Variants in FBXO40 observed in about 807,000 individuals in gnomAD.
FBXO40 encodes the protein F-box protein 40, also known as F-box only protein 40.
In FBXO40, 50 loss-of-function variants were observed where a neutral mutation model predicts 49.9. The observed-to-expected ratio is 1.00, with a 90% CI of 0.80 to 1.27. The LOEUF is 1.27. Among genes scored for constraint, FBXO40 ranks in the 50% most tolerant of loss-of-function variants. The pLI, the probability that FBXO40 is intolerant of heterozygous loss-of-function variation, is 0.00. For missense variants in FBXO40, 895 were observed against 870.1 expected (o/e 1.03, Z -0.36); for synonymous variants, 340 against 320.2 (o/e 1.06, Z -0.66).
chr3:121,617,311 T>C (rs1340763637), intron 1 of FBXO40, among the ~76,000 whole-genome samples: 1 of 152,076 alleles, frequency 6.6e-6, no homozygotes, highest in Non-Finnish European at 1.5e-5. Context: ...TTAAAAAATT[T>C]TGGGCCGGGC....
In FBXO40 at chr3:121,622,781, C is replaced by T. The variant is rs2108851564; in HGVS notation, c.1352C>T (p.Thr451Ile). 1 of 1,614,164 alleles carries T rather than the reference C, an allele frequency of 6.2e-7. No individual in the cohort carries two copies. The highest frequency in any genetic ancestry group is 8.5e-7 in the Non-Finnish European group (1 of 1,180,026). The change falls in exon 3 of 4, where the codon ACC becomes ATC. Residue 451 changes from threonine to isoleucine, a missense_variant. Thr to Ile is a moderately conservative substitution (Grantham distance 89, BLOSUM62 -1). Coordinates refer to ENST00000338040, the MANE Select transcript of FBXO40 (RefSeq NM_016298.4). ...GTVLADLTAA[T>I]PGGLHVELHS... ...GTGCTGGCTGACCTAACCGCTGCCACCCCAGGGGGACTCCACGTGGAGCTC... is the reference window on the plus strand; with the variant it reads ...GTGCTGGCTGACCTAACCGCTGCCATCCCAGGGGGACTCCACGTGGAGCTC...
chr3:121,627,276 G>T lies in FBXO40; in HGVS notation c.*366G>T. On this transcript the variant is annotated 3_prime_UTR_variant, in exon 4 of 4. Coordinates refer to ENST00000338040, the MANE Select transcript of FBXO40 (RefSeq NM_016298.4). ...AATTCCATAACCAGTACAGGCCTGT[G>T]CTTTTACATGGGCTTTTTAGTTCAC... The T allele has an allele frequency of 4.9e-6, 1 of 205,484 alleles. No homozygotes were observed. The highest frequency in any genetic ancestry group is 9.9e-6 in the Non-Finnish European group (1 of 101,426). 12.7% of individuals were successfully genotyped at this position (205,484 alleles called of 1,614,324 possible). A position where few individuals can be genotyped will look rare whatever the true frequency, so the allele number is the denominator to read the frequency against.
At chr3:121,624,727 C>T (rs1028548669) in intron 3 of FBXO40, among the ~76,000 whole-genome samples, 1 of 152,296 alleles carries the variant, frequency 6.6e-6, no homozygotes, top group East Asian at 1.9e-4. Context: ...AGGCGGCTCT[C>T]TACACAAAAT....
intron 1 of FBXO40, among the ~76,000 whole-genome samples, chr3:121,609,623 C>T (rs2048953753): frequency 6.6e-6 from 1 of 152,062 alleles, no homozygotes; most frequent in Non-Finnish European, 1.5e-5. Flanking sequence ...TTTTTTCTCT[C>T]CTCAGGGGAG....
At chr3:121,610,349 A>C (rs1405649220) in intron 1 of FBXO40, among the ~76,000 whole-genome samples, 1 of 152,172 alleles carries the variant, frequency 6.6e-6, no homozygotes, top group Non-Finnish European at 1.5e-5. Context: ...GATTTATGGA[A>C]GTCCAGGGGC....
chr3:121,613,570 A>G (rs1179904755), intron 1 of FBXO40, among the ~76,000 whole-genome samples: 1 of 152,206 alleles, frequency 6.6e-6, no homozygotes, highest in Admixed American at 6.5e-5. Flanking sequence ...AACTGTTAAG[A>G]AAAAGTCTCC....
At chr3:121,618,616 G>T (rs2049012173) in intron 1 of FBXO40, among the ~76,000 whole-genome samples, 1 of 150,000 alleles carries the variant, frequency 6.7e-6, no homozygotes. Context: ...GGCTGGCCTT[G>T]AACTCCTGAT....
intron 1 of FBXO40, among the ~76,000 whole-genome samples, chr3:121,599,703 C>CATATATAT (rs1353289601): frequency 1.5e-4 from 7 of 45,672 alleles, no homozygotes; most frequent in Non-Finnish European, 3.2e-4. Context: ...CACACACACA[C>CATATATAT]ACATATATAT....
At chr3:121,621,409 T>TC in intron 2 of FBXO40, 24 bp from the exon 3 acceptor site, 3 of 1,582,254 alleles carry the variant, frequency 1.9e-6, no homozygotes, top group Non-Finnish European at 2.6e-6. Flanking sequence ...TTTGTTTTCT[T>TC]CCCCCTGTCC....
At chr3:121,623,490 C>G in intron 3 of FBXO40, 147 bp downstream of exon 3, 3 of 661,862 alleles carry the variant, frequency 4.5e-6, no homozygotes, top group Non-Finnish European at 5.1e-6. Flanking sequence ...CCTCTTGCCT[C>G]AGTCTTCCAA....
chr3:121,597,267 A>C (rs1013239873), intron 1 of FBXO40, among the ~76,000 whole-genome samples: 1 of 152,154 alleles, frequency 6.6e-6, no homozygotes, highest in Non-Finnish European at 1.5e-5. Flanking sequence ...GATGCCTTCA[A>C]GTTGTCTTTA....
At chr3:121,616,171 T>C (rs1576454070) in intron 1 of FBXO40, among the ~76,000 whole-genome samples, 1 of 152,206 alleles carries the variant, frequency 6.6e-6, no homozygotes, top group South Asian at 2.1e-4. Context: ...TTGATGCTTC[T>C]GCTTGCGATT....
intron 3 of FBXO40, among the ~76,000 whole-genome samples, chr3:121,625,496 T>G (rs1159278257): frequency 2.0e-5 from 3 of 152,254 alleles, no homozygotes; most frequent in Non-Finnish European, 1.5e-5. Flanking sequence ...CTTGTATATG[T>G]GCCTGCATTC....
At chr3:121,624,335 A>G (rs2049050992) in intron 3 of FBXO40, among the ~76,000 whole-genome samples, 1 of 152,166 alleles carries the variant, frequency 6.6e-6, no homozygotes, top group Admixed American at 6.5e-5. Context: ...GCATGGGAAC[A>G]GTTGCTGAGA....
intron 1 of FBXO40, among the ~76,000 whole-genome samples, chr3:121,614,423 C>T (rs556432152): frequency 4.0e-5 from 6 of 151,460 alleles, no homozygotes; most frequent in Admixed American, 3.3e-4. Context: ...GCCTGGGCAA[C>T]AGAGTGAGAC....
chr3:121,598,615 T>G (rs1200376216), intron 1 of FBXO40, among the ~76,000 whole-genome samples: 1 of 152,178 alleles, frequency 6.6e-6, no homozygotes, highest in East Asian at 1.9e-4. Context: ...GGAGTGAGAC[T>G]GATTATAAAC....
intron 1 of FBXO40, among the ~76,000 whole-genome samples, chr3:121,599,485 A>G (rs2108843962): frequency 6.6e-6 from 1 of 151,160 alleles, no homozygotes; most frequent in Non-Finnish European, 1.5e-5. Context: ...AAAAAAAAAA[A>G]AAGTGAATAC....
chr3:121,621,362 A>G, intron 2 of FBXO40, 71 bp from the exon 3 acceptor site: 1 of 1,336,818 alleles, frequency 7.5e-7, no homozygotes, highest in Non-Finnish European at 1.0e-6. Flanking sequence ...ATTAAAACAC[A>G]GTCATAGACA....
intron 1 of FBXO40, among the ~76,000 whole-genome samples, chr3:121,594,080 C>G (rs2048857162): frequency 6.6e-6 from 1 of 152,258 alleles, no homozygotes; most frequent in Admixed American, 6.5e-5. Context: ...GATGGCTAGG[C>G]TGGTCTTGAA....
Sources: gnomAD v4.1 joint callset for allele counts (sites outside exome capture counted in the v4.1 genomes callset) on GRCh38, gnomAD v4.1.1 for gene constraint, MANE v1.5 for transcripts, NCBI Gene and HGNC (gene_info 2026-07-23, HGNC 2026-07-21) for gene names.